Variants in AP2A1 observed in about 807,000 individuals in gnomAD.
AP2A1 encodes AP-2 complex subunit alpha-1.
In AP2A1, 21 loss-of-function variants were observed where a neutral mutation model predicts 107.3. That is an observed-to-expected ratio of 0.20 (90% CI 0.14 to 0.28). The LOEUF is 0.28. AP2A1 is among the 10% of genes least tolerant of loss of function. AP2A1 has a pLI of 1.00. For missense variants in AP2A1, 873 were observed against 1,307.7 expected (o/e 0.67, Z 5.13); for synonymous variants, 602 against 564.8 (o/e 1.07, Z -0.93).
chr19:49,792,269 C>A (rs560661854), intron 5 of AP2A1, among the ~76,000 whole-genome samples: 1 of 140,636 alleles, frequency 7.1e-6, no homozygotes, highest in Non-Finnish European at 1.5e-5. Flanking sequence ...TCAGCCCTCA[C>A]GCCCCCTGGA....
At position 49,801,480 on chromosome 19, in the gene AP2A1, C is replaced by G. The variant is rs895742791; in HGVS notation, c.1644C>G (p.Phe548Leu). 6.2e-7 allele frequency: 1 copy of G among 1,613,722 alleles called. No individual in the cohort carries two copies. ...RALLLSTYIK[F>L]INLFPETKAT... The stretch of plus-strand genomic sequence containing the variant: ...TGCTGCTGTCCACCTACATCAAGTT[C>G]ATCAACCTCTTCCCCGAGACCAAGG... The change falls in exon 13 of 23, where the codon TTC becomes TTG. Residue 548 changes from phenylalanine (F) to leucine (L), a missense_variant. By Grantham distance (22) the Phe-to-Leu change is conservative (BLOSUM62 0). Around this residue, in one of 4 missense-constraint regions of AP2A1, gnomAD observed 213 missense variants for 443.5 expected, o/e 0.48. Transcript: ENST00000354293.
At chr19:49,802,850 G>T in intron 15 of AP2A1, 99 bp from the exon 16 acceptor site, 1 of 1,378,574 alleles carries the variant, frequency 7.3e-7, no homozygotes. Context: ...TGTGGTTCTG[G>T]GGTTCTGTCC....
In AP2A1 at chr19:49,803,124, A is replaced by G. The variant is rs1195332367; in HGVS notation, c.2189A>G (p.Asn730Ser). 3.1e-6 allele frequency: 5 copies of G among 1,613,974 alleles called. No homozygotes were observed. The highest frequency in any genetic ancestry group is 2.2e-5 in the South Asian group (2 of 91,080). ...ELLNKFVCKNNGVLFENQLLQ... is the reference protein window; with the variant it reads ...ELLNKFVCKNSGVLFENQLLQ... The stretch of plus-strand genomic sequence containing the variant: ...CCCCTCAGGTTTGTGTGTAAGAACA[A>G]CGGGGTCCTGTTCGAGAACCAGCTG... Residue 730 changes from asparagine (N) to serine (S), a missense_variant, in exon 17 of 23, where the codon AAC (asparagine) becomes AGC (serine). Asn to Ser is a conservative substitution (Grantham distance 46). Coordinates refer to ENST00000354293, the MANE Select transcript of AP2A1 (RefSeq NM_130787.3).
chr19:49,770,381 C>T (rs920186802), intron 1 of AP2A1, among the ~76,000 whole-genome samples: 5 of 152,080 alleles, frequency 3.3e-5, no homozygotes, highest in Admixed American at 6.5e-5. Flanking sequence ...GTATGTTGAA[C>T]GGCTGGTATG....
intron 4 of AP2A1, among the ~76,000 whole-genome samples, chr19:49,790,112 T>C (rs904771543): frequency 1.3e-5 from 2 of 152,180 alleles, no homozygotes; most frequent in African/African-American, 4.8e-5. Context: ...AACATCCATC[T>C]CACGGGGCTA....
At chr19:49,795,060 C>A (rs1378351873) in intron 6 of AP2A1, among the ~76,000 whole-genome samples, 1 of 152,248 alleles carries the variant, frequency 6.6e-6, no homozygotes, top group Non-Finnish European at 1.5e-5. Flanking sequence ...GGGTCAGACC[C>A]AATCCCTGCC....
intron 1 of AP2A1, among the ~76,000 whole-genome samples, chr19:49,770,430 C>G (rs1298543329): frequency 6.6e-6 from 1 of 152,130 alleles, no homozygotes; most frequent in Non-Finnish European, 1.5e-5. Context: ...CACTGGTGAA[C>G]AGGACAGACT....
chr19:49,782,174 GGAGGAGGGGGTCTAGGGGTCTGGACT>G, intron 3 of AP2A1, 85 bp downstream of exon 3: 1 of 1,073,788 alleles, frequency 9.3e-7, no homozygotes, highest in East Asian at 3.0e-5. Flanking sequence ...TGGATCTGGG[GGAGGAGGGGGTCTAGGGGTCTGGACT>G]CCTGGGTATG....
At position 49,771,750 on chromosome 19, in the gene AP2A1, G is replaced by C. The variant is rs536139277; in HGVS notation, c.67+4550G>C. 3.3e-5 allele frequency among the ~76,000 whole-genome samples: 5 copies of C among 152,134 alleles called. 1 individual carries two copies. The highest frequency in any genetic ancestry group is 4.1e-4 in the South Asian group (2 of 4,820). On this transcript the variant is annotated intron_variant, in intron 1 of 22. Coordinates refer to ENST00000354293, the MANE Select transcript of AP2A1 (RefSeq NM_130787.3). Reference sequence around the variant, plus strand: ...TTAAATGGGGAAAGAATTTGCAGCTGTCCTAAGCCCAGTGAGGAAGAGGGC... The same window carrying C: ...TTAAATGGGGAAAGAATTTGCAGCTCTCCTAAGCCCAGTGAGGAAGAGGGC...
chr19:49,803,412 C>T (rs776644566), intron 18 of AP2A1, 36 bp downstream of exon 18: 19 of 1,580,028 alleles, frequency 1.2e-5, no homozygotes, highest in Non-Finnish European at 1.7e-5. Context: ...TCCTGCCTCT[C>T]CACGTCGGCC....
intron 15 of AP2A1, 73 bp from the exon 16 acceptor site, chr19:49,802,876 G>A (rs1160593031): frequency 6.6e-7 from 1 of 1,509,212 alleles, no homozygotes; most frequent in Non-Finnish European, 9.0e-7. Context: ...GCTTGTTCTC[G>A]CACTCAATCG....
At chr19:49,794,397 T>A (rs1409273479) in intron 6 of AP2A1, among the ~76,000 whole-genome samples, 2 of 151,788 alleles carry the variant, frequency 1.3e-5, no homozygotes, top group African/African-American at 4.8e-5. Flanking sequence ...GAGATCGGTC[T>A]TGCTTTGTCG....
intron 1 of AP2A1, among the ~76,000 whole-genome samples, chr19:49,775,388 C>T (rs1476283700): frequency 6.6e-6 from 1 of 152,128 alleles, no homozygotes; most frequent in Non-Finnish European, 1.5e-5. Flanking sequence ...GATCTCAGCT[C>T]ACTGCAACCT....
intron 1 of AP2A1, among the ~76,000 whole-genome samples, chr19:49,778,636 G>A (rs1263932295): frequency 6.6e-6 from 1 of 152,108 alleles, no homozygotes; most frequent in Admixed American, 6.6e-5. Context: ...AGGCAACCGT[G>A]ACTCAGTAAG....
At chr19:49,794,707 G>T (rs76231443) in intron 6 of AP2A1, among the ~76,000 whole-genome samples, 1 of 152,068 alleles carries the variant, frequency 6.6e-6, no homozygotes, top group Non-Finnish European at 1.5e-5. Flanking sequence ...TTATTGCCCA[G>T]GCTGGAGTGC....
At chr19:49,772,424 T>A (rs1296419479) in intron 1 of AP2A1, among the ~76,000 whole-genome samples, 2 of 151,774 alleles carry the variant, frequency 1.3e-5, no homozygotes, top group Non-Finnish European at 2.9e-5. Context: ...GTGATCTGCC[T>A]ACCTCGGCCT....
rs1227872261 is a variant in AP2A1, at chr19:49,772,253, T to TTTTTGTTTTG, written c.67+5057_67+5058insGTTTTGTTTT. 5.8e-4 allele frequency among the ~76,000 whole-genome samples: 67 copies of TTTTTGTTTTG among 115,410 alleles called. 4 individuals carry two copies. Among genetic ancestry groups the TTTTTGTTTTG allele is most frequent in the African/African-American group, 1.8e-3 (55 of 31,168 alleles). 75.7% of individuals were successfully genotyped at this position (115,410 alleles called of 152,430 possible). A position where few individuals can be genotyped will look rare whatever the true frequency, so the allele number is the denominator to read the frequency against. On this transcript the variant is annotated intron_variant, in intron 1 of 22. Coordinates refer to ENST00000354293, the MANE Select transcript of AP2A1 (RefSeq NM_130787.3). Reference sequence around the variant, plus strand: ...TTTTGTATTTTTCATAGAGTTTTTTTTTTTTTTTTTTTTTTTTTTTTTTTG... The same window carrying TTTTTGTTTTG: ...TTTTGTATTTTTCATAGAGTTTTTTTTTTTGTTTTGTTTTTTTTTTTTTTTTTTTTTTTTG...
In AP2A1 at chr19:49,798,823, G is replaced by A. The variant is rs1174990216; in HGVS notation, c.836G>A (p.Arg279Gln). Residue 279 changes from arginine to glutamine, a missense_variant, in exon 8 of 23, where the codon CGG (arginine) becomes CAG (glutamine). Transcript: ENST00000354293. ...CCAGAGGATGCGGCTGTGAAGGGGC[G>A]GCTGGTGGAATGTCTGGAGACTGTG... ...PPPEDAAVKG[R>Q]LVECLETVLN... is the part of the protein sequence containing the mutation. 5.6e-6 allele frequency: 9 copies of A among 1,604,094 alleles called. No individual in the cohort carries two copies. Among genetic ancestry groups the A allele is most frequent in the Middle Eastern group, 3.3e-4 (2 of 6,072 alleles).
intron 1 of AP2A1, among the ~76,000 whole-genome samples, chr19:49,774,918 CAAAA>C (rs35089200): frequency 1.7e-5 from 2 of 121,138 alleles, no homozygotes; most frequent in South Asian, 2.6e-4. Flanking sequence ...GACTTTGTCT[CAAAA>C]AAAAAAAAAA....
Sources: gnomAD v4.1 joint callset for allele counts (sites outside exome capture counted in the v4.1 genomes callset) on GRCh38, gnomAD v4.1.1 for gene constraint, gnomAD v4.1.1 regional missense constraint, MANE v1.5 for transcripts, NCBI Gene and HGNC (gene_info 2026-07-23, HGNC 2026-07-21) for gene names.